The following FER variants were observed in gnomAD, a reference collection of about 807,000 sequenced individuals.
FER encodes FER tyrosine kinase.
In FER, 63 loss-of-function variants were observed where a neutral mutation model predicts 111.0. The ratio of observed to expected loss-of-function variants is 0.57; its 90% CI spans 0.46 to 0.70. The LOEUF (loss-of-function observed/expected upper bound fraction) is 0.70. Ranked by LOEUF, FER falls within the 30% of genes least tolerant of loss-of-function variation. FER has a pLI of 0.00. For missense variants in FER, 914 were observed against 954.0 expected (o/e 0.96, Z 0.55); for synonymous variants, 327 against 313.9 (o/e 1.04, Z -0.44).
At chr5:108,889,302 G>A (rs929435586) in intron 9 of FER, among the ~76,000 whole-genome samples, 3 of 151,768 alleles carry the variant, frequency 2.0e-5, no homozygotes, top group African/African-American at 7.3e-5. Flanking sequence ...AGAGTCCGAA[G>A]CAACCTACGT....
At chr5:108,773,869 CTTT>C (rs1275200152) in intron 2 of FER, among the ~76,000 whole-genome samples, 1 of 152,150 alleles carries the variant, frequency 6.6e-6, no homozygotes, top group Non-Finnish European at 1.5e-5. Flanking sequence ...TGGTTTTTGA[CTTT>C]TTAATAATAA....
intron 1 of FER, among the ~76,000 whole-genome samples, chr5:108,751,414 A>G (rs891903596): frequency 2.6e-5 from 4 of 152,206 alleles, no homozygotes; most frequent in African/African-American, 9.6e-5. Flanking sequence ...TTTGTAATCA[A>G]GGCCCAAATA....
chr5:108,823,709 A>T (rs1354713637), intron 3 of FER, among the ~76,000 whole-genome samples: 1 of 151,884 alleles, frequency 6.6e-6, no homozygotes, highest in Admixed American at 6.6e-5. Flanking sequence ...ATTTGCAAAT[A>T]TTTTTTCCCA....
At chr5:109,030,661 G>A (rs1462350482) in intron 13 of FER, among the ~76,000 whole-genome samples, 1 of 152,134 alleles carries the variant, frequency 6.6e-6, no homozygotes. Flanking sequence ...CACTGAGGAA[G>A]GGCATCTTAG....
At chr5:108,930,059 A>C (rs1242196318) in intron 10 of FER, among the ~76,000 whole-genome samples, 5 of 152,122 alleles carry the variant, frequency 3.3e-5, no homozygotes, top group Non-Finnish European at 7.4e-5. Flanking sequence ...TTACACCCTC[A>C]AGATAATTTA....
intron 5 of FER, among the ~76,000 whole-genome samples, chr5:108,857,078 C>T (rs543227848): frequency 1.8e-4 from 27 of 152,212 alleles, no homozygotes; most frequent in African/African-American, 6.5e-4. Flanking sequence ...ATACCGTTCA[C>T]TCATGTTTCC....
At chr5:108,844,125 T>TGTGTGTG (rs1761618506) in intron 5 of FER, among the ~76,000 whole-genome samples, 1 of 151,956 alleles carries the variant, frequency 6.6e-6, no homozygotes, top group Admixed American at 6.5e-5. Flanking sequence ...TGAACACATA[T>TGTGTGTG]ATGTGTGTGA....
intron 3 of FER, among the ~76,000 whole-genome samples, chr5:108,805,849 A>G (rs988129236): frequency 6.6e-6 from 1 of 152,212 alleles, no homozygotes; most frequent in Admixed American, 6.5e-5. Context: ...GCAGAGCATA[A>G]AAGTTTGGAA....
At chr5:108,804,196 G>A (rs1465781947) in intron 3 of FER, among the ~76,000 whole-genome samples, 1 of 152,074 alleles carries the variant, frequency 6.6e-6, no homozygotes, top group Non-Finnish European at 1.5e-5. Flanking sequence ...TATCCTGATT[G>A]TTTACTGAAG....
chr5:109,130,758 G>A (rs1269105156), intron 17 of FER, among the ~76,000 whole-genome samples: 3 of 152,048 alleles, frequency 2.0e-5, no homozygotes, highest in African/African-American at 7.2e-5. Flanking sequence ...TGTTTCAGCT[G>A]TTCAGCAATC....
chr5:109,125,582 T>C (rs766177645), intron 17 of FER, among the ~76,000 whole-genome samples: 1 of 152,240 alleles, frequency 6.6e-6, no homozygotes, highest in African/African-American at 2.4e-5. Flanking sequence ...ATAGCACTTA[T>C]AGAAGATTGG....
At chr5:109,080,787 T>C (rs541796879) in intron 16 of FER, among the ~76,000 whole-genome samples, 2 of 152,168 alleles carry the variant, frequency 1.3e-5, no homozygotes, top group Admixed American at 6.6e-5. Flanking sequence ...ATTGCTTGAA[T>C]TGTAGATCAG....
At chr5:109,143,594 A>G (rs10074425) in intron 17 of FER, among the ~76,000 whole-genome samples, 5 of 151,802 alleles carry the variant, frequency 3.3e-5, no homozygotes, top group Admixed American at 3.3e-4. Flanking sequence ...CCCCACCTCC[A>G]TTATACTCTG....
chr5:108,817,386 T>G (rs1003213843), intron 3 of FER, among the ~76,000 whole-genome samples: 3 of 152,146 alleles, frequency 2.0e-5, no homozygotes, highest in Non-Finnish European at 4.4e-5. Context: ...AAACTCACAA[T>G]AAAAACTGTT....
chr5:109,153,396 TTTTTA>T (rs1755054748), intron 17 of FER, among the ~76,000 whole-genome samples: 1 of 151,680 alleles, frequency 6.6e-6, no homozygotes, highest in Non-Finnish European at 1.5e-5. Flanking sequence ...ATTGCTTGAT[TTTTTA>T]TTTTAAAAAT....
At chr5:109,019,000 A>G (rs1767570607) in intron 13 of FER, among the ~76,000 whole-genome samples, 1 of 151,548 alleles carries the variant, frequency 6.6e-6, no homozygotes, top group Admixed American at 6.6e-5. Flanking sequence ...CATATGAATC[A>G]TAGGTATTAT....
intron 13 of FER, among the ~76,000 whole-genome samples, chr5:108,961,243 C>A (rs977981977): frequency 3.3e-5 from 5 of 152,092 alleles, no homozygotes; most frequent in African/African-American, 9.7e-5. Flanking sequence ...TACTGATGTC[C>A]CATTTCACAA....
chr5:108,759,160 C>G (rs775461486), intron 1 of FER, among the ~76,000 whole-genome samples: 1 of 152,192 alleles, frequency 6.6e-6, no homozygotes, highest in Non-Finnish European at 1.5e-5. Flanking sequence ...AGGAAAATAG[C>G]ATGTGGACAA....
At chr5:109,084,758 A>C (rs573041216) in intron 16 of FER, among the ~76,000 whole-genome samples, 1 of 151,862 alleles carries the variant, frequency 6.6e-6, no homozygotes, top group Admixed American at 6.6e-5. Flanking sequence ...ATCATTTGAA[A>C]CTAATTTCAC....
Sources: gnomAD v4.1 joint callset for allele counts (sites outside exome capture counted in the v4.1 genomes callset) on GRCh38, gnomAD v4.1.1 for gene constraint, MANE v1.5 for transcripts, NCBI Gene and HGNC (gene_info 2026-07-23, HGNC 2026-07-21) for gene names.